Variants in NALF1 observed in about 807,000 individuals in gnomAD.
The protein encoded by NALF1 is NALCN channel auxiliary factor 1.
Under a neutral mutation model 48.4 loss-of-function variants are expected in NALF1, and 3 were observed. The ratio of observed to expected loss-of-function variants is 0.06; its 90% CI spans 0.03 to 0.16. The LOEUF (loss-of-function observed/expected upper bound fraction) is 0.16, where lower values mean the gene tolerates loss of function less well. Among genes scored for constraint, NALF1 ranks in the 10% least tolerant of loss-of-function variants. NALF1 has a pLI of 1.00. For synonymous variants in NALF1, 262 were observed against 245.7 expected (o/e 1.07, Z -0.62); for missense variants, 526 against 571.5 (o/e 0.92, Z 0.81).
chr13:107,262,881 T>G (rs530152697), intron 1 of NALF1, among the ~76,000 whole-genome samples: 3 of 152,160 alleles, frequency 2.0e-5, no homozygotes, highest in Non-Finnish European at 4.4e-5. Context: ...TTACAATGTT[T>G]GCCATAATTG....
At chr13:107,677,043 TTTTG>T (rs57080654) in intron 1 of NALF1, among the ~76,000 whole-genome samples, 1 of 151,688 alleles carries the variant, frequency 6.6e-6, no homozygotes, top group African/African-American at 2.4e-5. Context: ...TCCTTGTTTG[TTTTG>T]TTTGTTTTTG....
intron 1 of NALF1, among the ~76,000 whole-genome samples, chr13:107,379,096 G>A (rs1268033238): frequency 6.6e-6 from 1 of 151,942 alleles, no homozygotes; most frequent in Non-Finnish European, 1.5e-5. Context: ...TAACTTACAG[G>A]GCCCCTTTAA....
At chr13:107,555,484 G>A (rs1057288245) in intron 1 of NALF1, among the ~76,000 whole-genome samples, 7 of 131,514 alleles carry the variant, frequency 5.3e-5, no homozygotes, top group Middle Eastern at 4.8e-3. Flanking sequence ...TAGTAGAGAC[G>A]GGGTTTCACC....
At chr13:107,863,338 T>C (rs986307802) in intron 1 of NALF1, among the ~76,000 whole-genome samples, 1 of 152,174 alleles carries the variant, frequency 6.6e-6, no homozygotes, top group Non-Finnish European at 1.5e-5. Flanking sequence ...AGAGAAAATA[T>C]ATGTTAAACT....
At chr13:107,192,779 C>T (rs576568840) in intron 2 of NALF1, among the ~76,000 whole-genome samples, 3 of 152,226 alleles carry the variant, frequency 2.0e-5, no homozygotes, top group South Asian at 2.1e-4. Context: ...AGAAAATGAG[C>T]CATATAATAT....
At chr13:107,712,840 TA>T (rs1875644803) in intron 1 of NALF1, among the ~76,000 whole-genome samples, 1 of 152,250 alleles carries the variant, frequency 6.6e-6, no homozygotes, top group African/African-American at 2.4e-5. Context: ...TTTGATTCCC[TA>T]AATTCAAAAG....
chr13:107,822,374 T>C lies in NALF1; in HGVS notation c.915+43308A>G, dbSNP rs546936766. ...CTCCCAGGCTTGAGAAAACCACCTT[T>C]TCCACTACTGCTTCTCAAAGCTTGG... is the stretch of plus-strand genomic sequence containing the variant. On this transcript the variant is annotated intron_variant, in intron 1 of 2. Transcript: ENST00000375915. Among the ~76,000 whole-genome samples the C allele has an allele frequency of 1.7e-4, 26 of 151,918 alleles. No individual in the cohort carries two copies. The South Asian group carries it at 5.4e-3, about 32-fold the overall frequency.
intron 1 of NALF1, among the ~76,000 whole-genome samples, chr13:107,680,595 GATGT>G (rs1454808219): frequency 2.8e-5 from 3 of 106,524 alleles, no homozygotes; most frequent in Non-Finnish European, 6.2e-5. Flanking sequence ...TGTGTGTGAG[GATGT>G]ATGTGTGCAC....
intron 1 of NALF1, among the ~76,000 whole-genome samples, chr13:107,477,449 C>T (rs1397345466): frequency 6.6e-6 from 1 of 152,080 alleles, no homozygotes; most frequent in Non-Finnish European, 1.5e-5. Context: ...CTCCTAAGGT[C>T]CCTATAGGGA....
chr13:107,762,988 A>G (rs1212650474), intron 1 of NALF1, among the ~76,000 whole-genome samples: 1 of 152,098 alleles, frequency 6.6e-6, no homozygotes, highest in African/African-American at 2.4e-5. Context: ...CCCTCTGGAC[A>G]CCAGCTTTTG....
chr13:107,171,480 C>T (rs1211430935), intron 2 of NALF1, among the ~76,000 whole-genome samples: 1 of 152,194 alleles, frequency 6.6e-6, no homozygotes, highest in Non-Finnish European at 1.5e-5. Context: ...TTGATCTGTC[C>T]TCCAATTGTG....
chr13:107,721,109 TAC>T (rs66578211), intron 1 of NALF1, among the ~76,000 whole-genome samples: 27,832 of 143,556 alleles, frequency 0.19, 2,802 homozygotes, highest in Middle Eastern at 0.24. Flanking sequence ...CAGATCTCAA[TAC>T]ACACACACAC....
chr13:107,559,957 G>A (rs1046023586), intron 1 of NALF1, among the ~76,000 whole-genome samples: 1 of 151,980 alleles, frequency 6.6e-6, no homozygotes, highest in Non-Finnish European at 1.5e-5. Flanking sequence ...TCCACCGGCC[G>A]AGGAAGGCAG....
chr13:107,473,788 T>C (rs1325145235), intron 1 of NALF1, among the ~76,000 whole-genome samples: 1 of 152,164 alleles, frequency 6.6e-6, no homozygotes, highest in Admixed American at 6.5e-5. Context: ...TCTACCCAAA[T>C]AGTTCTTCTT....
At chr13:107,398,316 T>G (rs1883747277) in intron 1 of NALF1, among the ~76,000 whole-genome samples, 1 of 149,728 alleles carries the variant, frequency 6.7e-6, no homozygotes, top group South Asian at 2.1e-4. Context: ...GATTTTCCCT[T>G]AACCAAATAA....
intron 1 of NALF1, among the ~76,000 whole-genome samples, chr13:107,373,275 C>G (rs1286737714): frequency 2.0e-5 from 3 of 152,134 alleles, no homozygotes; most frequent in Admixed American, 1.3e-4. Flanking sequence ...GAGACTAGCA[C>G]CAGGTTCTCT....
At chr13:107,535,602 C>T (rs150359112) in intron 1 of NALF1, among the ~76,000 whole-genome samples, 1 of 152,132 alleles carries the variant, frequency 6.6e-6, no homozygotes, top group African/African-American at 2.4e-5. Context: ...GAAGAACATT[C>T]CATGCTCATG....
At chr13:107,201,345 G>C (rs367854862) in intron 2 of NALF1, among the ~76,000 whole-genome samples, 2 of 152,204 alleles carry the variant, frequency 1.3e-5, no homozygotes, top group South Asian at 4.1e-4. Flanking sequence ...GGGAGGCCCA[G>C]GTGGGCAGAT....
At chr13:107,652,353 T>C (rs1478839335) in intron 1 of NALF1, among the ~76,000 whole-genome samples, 1 of 152,274 alleles carries the variant, frequency 6.6e-6, no homozygotes, top group East Asian at 1.9e-4. Flanking sequence ...TATTTAAATG[T>C]TATTATTAGA....
Sources: gnomAD v4.1 joint callset for allele counts (sites outside exome capture counted in the v4.1 genomes callset) on GRCh38, gnomAD v4.1.1 for gene constraint, MANE v1.5 for transcripts, NCBI Gene and HGNC (gene_info 2026-07-23, HGNC 2026-07-21) for gene names.